OR2A12: variants seen among roughly 807,000 people sequenced by gnomAD.
OR2A12 encodes the protein olfactory receptor family 2 subfamily A member 12.
For synonymous variants in OR2A12, 153 were observed against 149.3 expected, an observed-to-expected ratio of 1.02 and a Z score of -0.18; for missense variants, 380 against 372.5, an observed-to-expected ratio of 1.02 and a Z score of -0.17.
At chr7:144,089,668 G>T (rs1194503419) in intron 1 of OR2A12, among the ~76,000 whole-genome samples, 1 of 151,286 alleles carries the variant, frequency 6.6e-6, no homozygotes, top group Non-Finnish European at 1.5e-5. Context: ...TATTTTTTAT[G>T]ATTCTCACTA....
At chr7:144,087,290 T>C (rs2051193954) in intron 1 of OR2A12, among the ~76,000 whole-genome samples, 1 of 152,188 alleles carries the variant, frequency 6.6e-6, no homozygotes, top group African/African-American at 2.4e-5. Context: ...GGGAAAGTCC[T>C]AGAGTTATTT....
In OR2A12 at chr7:144,095,635, T is replaced by C; in HGVS notation, c.528T>C (p.Phe176=). The part of the protein sequence containing the change: ...PFCGPQKINH[F]FCQIMSVFKL... ...GTGGCCCACAAAAGATCAACCACTT[T>C]TTCTGTCAAATCATGTCCGTATTCA... is the stretch of plus-strand genomic sequence containing the variant. The change falls in exon 2 of 2, where the codon TTT becomes TTC. Residue 176 remains phenylalanine (F), a synonymous_variant. Transcript: ENST00000641592. The C allele has an allele frequency of 6.2e-7, 1 of 1,614,146 alleles. No homozygotes were observed. The highest frequency in any genetic ancestry group is 8.5e-7 in the Non-Finnish European group (1 of 1,180,028).
rs2051257402 is a variant in OR2A12, at chr7:144,095,624, A to G, written c.517A>G (p.Ile173Val). The change falls in exon 2 of 2, where the codon ATC (isoleucine) becomes GTC (valine). Residue 173 changes from isoleucine to valine, a missense_variant. By Grantham distance (29) the Ile-to-Val change is conservative. Transcript: ENST00000641592. ...LRLPFCGPQK[I>V]NHFFCQIMSV... The stretch of plus-strand genomic sequence containing the variant: ...GCTGCCTTTTTGTGGCCCACAAAAG[A>G]TCAACCACTTTTTCTGTCAAATCAT... 6.2e-7 allele frequency: 1 copy of G among 1,614,122 alleles called. No homozygotes were observed. The highest frequency in any genetic ancestry group is 8.5e-7 in the Non-Finnish European group (1 of 1,180,014).
chr7:144,095,800 G>A lies in OR2A12; in HGVS notation c.693G>A (p.Glu231=), dbSNP rs139313450. The change falls in exon 2 of 2, where the codon GAG becomes GAA. Residue 231 remains glutamate, a synonymous_variant. Transcript: ENST00000641592. ...LVAILRIQSG[E]GRRKAFSTCS... ...CCATCTTGAGGATCCAGTCTGGGGA[G>A]GGCCGCAGAAAGGCCTTCTCTACCT... is the stretch of plus-strand genomic sequence containing the variant. 783 of 1,614,112 alleles carry A rather than the reference G, an allele frequency of 4.9e-4. 5 individuals are homozygous for A. The East Asian group carries it at 0.013, about 27-fold the overall frequency.
chr7:144,096,053 GA>G lies in OR2A12; in HGVS notation c.*14del, dbSNP rs770454703. On this transcript the variant is annotated 3_prime_UTR_variant, in exon 2 of 2. Transcript: ENST00000641592. ...GAGATCAATGTGAAGAATCATTTGA[GA>G]TATCCTGAGTGTGTAAGCATGGTTC... 241 of 1,556,900 alleles carry G rather than the reference GA, an allele frequency of 1.5e-4. No individual in the cohort carries two copies. Among genetic ancestry groups the G allele is most frequent in the Non-Finnish European group, 2.1e-4 (239 of 1,149,290 alleles).
chr7:144,097,200 AT>A lies in OR2A12; in HGVS notation c.*1161del, dbSNP rs1329932083. 1 of 152,124 alleles carries A rather than the reference AT, an allele frequency of 6.6e-6. No individual in the cohort carries two copies. 9.4% of individuals were successfully genotyped at this position (152,124 alleles called of 1,614,324 possible). A position where few individuals can be genotyped will look rare whatever the true frequency, so the allele number is the denominator to read the frequency against. On this transcript the variant is annotated 3_prime_UTR_variant, in exon 2 of 2. Transcript: ENST00000641592. The stretch of plus-strand genomic sequence containing the variant: ...TACAAAATCAATATAAAAATATATT[AT>A]ATTTTTAAAGCAGTAACAAACAATT...
At position 144,096,347 on chromosome 7, in the gene OR2A12, C is replaced by T. The variant is rs1262491622; in HGVS notation, c.*307C>T. 2.1e-5 allele frequency: 4 copies of T among 194,220 alleles called. No homozygotes were observed. Among genetic ancestry groups the T allele is most frequent in the Non-Finnish European group, 4.3e-5 (4 of 93,240 alleles). 12.0% of individuals were successfully genotyped at this position (194,220 alleles called of 1,614,324 possible). A position where few individuals can be genotyped will look rare whatever the true frequency, so the allele number is the denominator to read the frequency against. ...GTGGGCGCCTGTAATCCCAGCTCTA[C>T]TTGGGAGGCTGAGGCAGGAGAATCG... On this transcript the variant is annotated 3_prime_UTR_variant, in exon 2 of 2. Transcript: ENST00000641592.
Position 144,095,931 on chromosome 7 carries a change from T to C in OR2A12, c.824T>C (p.Leu275Pro), listed in dbSNP as rs1395320933. 1 of 1,614,018 alleles carries C rather than the reference T, an allele frequency of 6.2e-7. No homozygotes were observed. The highest frequency in any genetic ancestry group is 1.3e-5 in the African/African-American group (1 of 74,884). Residue 275 changes from leucine to proline, a missense_variant, in exon 2 of 2, where the codon CTG (leucine) becomes CCG (proline). By Grantham distance (98) the Leu-to-Pro change is moderately conservative. Transcript: ENST00000641592. ...CAAGAACGGAGGAAGATCCTTTCCCTGTTTTACAGCCTTTTCAACCCGATC... is the reference window on the plus strand; with the variant it reads ...CAAGAACGGAGGAAGATCCTTTCCCCGTTTTACAGCCTTTTCAACCCGATC... ...HSQERRKILS[L>P]FYSLFNPILN...
chr7:144,088,591 T>C (rs568651234), intron 1 of OR2A12, among the ~76,000 whole-genome samples: 7 of 152,332 alleles, frequency 4.6e-5, no homozygotes, highest in African/African-American at 1.7e-4. Flanking sequence ...ATTGAATAGG[T>C]TTAGAATCTT....
Position 144,095,608 on chromosome 7 carries a change from T to C in OR2A12, c.501T>C (p.Phe167=), listed in dbSNP as rs772162383. The C allele has an allele frequency of 1.2e-6, 2 of 1,614,158 alleles. No homozygotes were observed. The highest frequency in any genetic ancestry group is 2.2e-5 in the East Asian group (1 of 44,868). Residue 167 remains phenylalanine (F), a synonymous_variant, in exon 2 of 2, where the codon TTT becomes TTC. Transcript: ENST00000641592. ...TTACTCTTATTCTGAGGCTGCCTTTTTGTGGCCCACAAAAGATCAACCACT... is the reference window on the plus strand; with the variant it reads ...TTACTCTTATTCTGAGGCTGCCTTTCTGTGGCCCACAAAAGATCAACCACT... The part of the protein sequence containing the change: ...VHITLILRLP[F]CGPQKINHFF...
At chr7:144,094,981 C>A in intron 1 of OR2A12, 76 bp from the exon 2 acceptor site, 2 of 647,486 alleles carry the variant, frequency 3.1e-6, no homozygotes, top group Admixed American at 3.0e-5. Flanking sequence ...TGGATGTACC[C>A]ATGAAATACT....
At position 144,096,106 on chromosome 7, in the gene OR2A12, T is replaced by C; in HGVS notation, c.*66T>C. 1.7e-6 allele frequency: 2 copies of C among 1,149,030 alleles called. No individual in the cohort carries two copies. Among genetic ancestry groups the C allele is most frequent in the Non-Finnish European group, 2.5e-6 (2 of 799,126 alleles). 71.2% of individuals were successfully genotyped at this position (1,149,030 alleles called of 1,614,324 possible). ...CATGACCCTGGGTCCTGAAATTTCCTTTTTAATTCTTTAATTTACCACACC... is the reference window on the plus strand; with the variant it reads ...CATGACCCTGGGTCCTGAAATTTCCCTTTTAATTCTTTAATTTACCACACC... On this transcript the variant is annotated 3_prime_UTR_variant, in exon 2 of 2. Coordinates refer to ENST00000641592, the MANE Select transcript of OR2A12 (RefSeq NM_001004135.2).
chr7:144,087,236 G>C (rs2051193655), intron 1 of OR2A12, among the ~76,000 whole-genome samples: 1 of 152,042 alleles, frequency 6.6e-6, no homozygotes, highest in African/African-American at 2.4e-5. Context: ...GTAACATTAG[G>C]GTTCCTTTTC....
intron 1 of OR2A12, among the ~76,000 whole-genome samples, chr7:144,092,917 A>G (rs1586900850): frequency 1.3e-5 from 2 of 152,326 alleles, no homozygotes; most frequent in South Asian, 2.1e-4. Context: ...TAAGAGACAT[A>G]CAAGATATGT....
Position 144,097,556 on chromosome 7 carries a change from A to G in OR2A12, c.*1516A>G, listed in dbSNP as rs563271337. The G allele has an allele frequency of 6.6e-6, 1 of 152,324 alleles. No individual in the cohort carries two copies. The highest frequency in any genetic ancestry group is 6.5e-5 in the Admixed American group (1 of 15,298). The allele number at this position is 152,324 out of a possible 1,614,324, so 9.4% of individuals were successfully genotyped here. Reference sequence around the variant, plus strand: ...CAAGGCTAGCTCAAACTCTATTAAAAGAGAAAGAGTACAACGTGGGAGGAT... The same window carrying G: ...CAAGGCTAGCTCAAACTCTATTAAAGGAGAAAGAGTACAACGTGGGAGGAT... On this transcript the variant is annotated 3_prime_UTR_variant, in exon 2 of 2. Transcript: ENST00000641592.
chr7:144,089,435 G>A (rs943382281), intron 1 of OR2A12, among the ~76,000 whole-genome samples: 1 of 151,556 alleles, frequency 6.6e-6, no homozygotes, highest in African/African-American at 2.4e-5. Flanking sequence ...TTTGTAACTC[G>A]ATTTTCTGTT....
chr7:144,090,307 A>G (rs2051218838), intron 1 of OR2A12, among the ~76,000 whole-genome samples: 1 of 151,992 alleles, frequency 6.6e-6, no homozygotes, highest in African/African-American at 2.4e-5. Context: ...TTAGAAATCA[A>G]AAAGGTTATG....
Position 144,097,177 on chromosome 7 carries a change from C to A in OR2A12, c.*1137C>A, listed in dbSNP as rs1325462273. ...TAAGAAATTTTAAAGTAGCTTGATACAAAATCAATATAAAAATATATTATA... is the reference window on the plus strand; with the variant it reads ...TAAGAAATTTTAAAGTAGCTTGATAAAAAATCAATATAAAAATATATTATA... On this transcript the variant is annotated 3_prime_UTR_variant, in exon 2 of 2. Coordinates refer to ENST00000641592, the MANE Select transcript of OR2A12 (RefSeq NM_001004135.2). The A allele has an allele frequency of 6.6e-6, 1 of 151,724 alleles. No individual in the cohort carries two copies. The highest frequency in any genetic ancestry group is 2.4e-5 in the African/African-American group (1 of 41,284). 9.4% of individuals were successfully genotyped at this position (151,724 alleles called of 1,614,324 possible). A position where few individuals can be genotyped will look rare whatever the true frequency, so the allele number is the denominator to read the frequency against.
Position 144,095,742 on chromosome 7 carries a change from T to G in OR2A12, c.635T>G (p.Leu212Arg), listed in dbSNP as rs1392947935. 3 of 1,614,034 alleles carry G rather than the reference T, an allele frequency of 1.9e-6. No individual in the cohort carries two copies. In the African/African-American group the frequency reaches 4.0e-5, roughly 22 times the overall value. Residue 212 changes from leucine (L) to arginine (R), a missense_variant, in exon 2 of 2, where the codon CTG becomes CGG. Transcript: ENST00000641592. The part of the protein sequence containing the change: ...SAFILVGPLC[L>R]VLVSYLHILV... ...TTCATCTTAGTGGGGCCGCTCTGCCTGGTGCTGGTCTCCTACTTGCACATC... is the reference window on the plus strand; with the variant it reads ...TTCATCTTAGTGGGGCCGCTCTGCCGGGTGCTGGTCTCCTACTTGCACATC...
Sources: allele counts gnomAD v4.1 joint callset (sites outside exome capture counted in the v4.1 genomes callset), GRCh38; gene constraint gnomAD v4.1.1; transcripts MANE v1.5; gene names NCBI Gene and HGNC (gene_info 2026-07-23, HGNC 2026-07-21).